Variants in TTBK2 observed in about 807,000 individuals in gnomAD.
TTBK2 encodes tau-tubulin kinase 2.
TTBK2 carries 28 observed loss-of-function variants against 110.8 expected under a neutral mutation model. The ratio of observed to expected loss-of-function variants is 0.25; its 90% CI spans 0.19 to 0.35. The LOEUF is 0.35. Among genes scored for constraint, TTBK2 ranks in the 10% least tolerant of loss-of-function variants. TTBK2 has a pLI of 1.00. For missense variants in TTBK2, 1,369 were observed against 1,500.3 expected (o/e 0.91, Z 1.45); for synonymous variants, 532 against 527.3 (o/e 1.01, Z -0.12).
intron 7 of TTBK2, among the ~76,000 whole-genome samples, chr15:42,812,643 A>G (rs1161419180): frequency 1.3e-5 from 2 of 152,212 alleles, no homozygotes; most frequent in Non-Finnish European, 2.9e-5. Context: ...TGTCAAAAGA[A>G]GCTACAAAGA....
At position 42,756,747 on chromosome 15, in the gene TTBK2, T is replaced by C. The variant is rs763323076; in HGVS notation, c.1999-3500A>G. Among the ~76,000 whole-genome samples the C allele has an allele frequency of 3.3e-5, 5 of 151,844 alleles. No homozygotes were observed. In the South Asian group the frequency reaches 1.0e-3, roughly 32 times the overall value. Reference sequence around the variant, plus strand: ...GGCAATTTTATACATAGAAAATATATATGACCCAAGCATGGTGGCCTGTAC... The same window carrying C: ...GGCAATTTTATACATAGAAAATATACATGACCCAAGCATGGTGGCCTGTAC... On this transcript the variant is annotated intron_variant, in intron 13 of 14. Coordinates refer to ENST00000267890, the MANE Select transcript of TTBK2 (RefSeq NM_173500.4).
chr15:42,840,227 C>A (rs1403986519), intron 4 of TTBK2, 133 bp downstream of exon 4: 12 of 832,634 alleles, frequency 1.4e-5, no homozygotes, highest in African/African-American at 1.7e-5. Flanking sequence ...TGTTTAAATA[C>A]AGTTCCATCT....
chr15:42,765,406 C>T (rs931260177), intron 13 of TTBK2, among the ~76,000 whole-genome samples: 8 of 152,204 alleles, frequency 5.3e-5, no homozygotes, highest in East Asian at 3.9e-4. Context: ...GAATAAACAG[C>T]GTAGAGAAGA....
At chr15:42,816,079 T>TATATATATATATATATATATATAA (rs1432740949) in intron 7 of TTBK2, among the ~76,000 whole-genome samples, 1 of 67,440 alleles carries the variant, frequency 1.5e-5, no homozygotes, top group Non-Finnish European at 2.3e-5. Flanking sequence ...TAAAAATAAA[T>TATATATATATATATATATATATAA]AAATAAATAT....
intron 12 of TTBK2, among the ~76,000 whole-genome samples, chr15:42,776,754 T>C (rs148449660): frequency 6.6e-6 from 1 of 152,360 alleles, no homozygotes; most frequent in East Asian, 1.9e-4. Flanking sequence ...AATGTTCATT[T>C]AACTTGTACC....
chr15:42,883,744 G>A (rs1446016968), intron 1 of TTBK2, among the ~76,000 whole-genome samples: 1 of 152,028 alleles, frequency 6.6e-6, no homozygotes, highest in Non-Finnish European at 1.5e-5. Context: ...AAACTTACCT[G>A]TAATTACCTT....
chr15:42,766,632 G>T (rs1477868260), intron 13 of TTBK2, among the ~76,000 whole-genome samples: 2 of 151,806 alleles, frequency 1.3e-5, no homozygotes, highest in African/African-American at 4.8e-5. Context: ...GATTCATAAA[G>T]CAAGTCCTTA....
chr15:42,903,267 T>C (rs1190451949), intron 1 of TTBK2, among the ~76,000 whole-genome samples: 1 of 152,148 alleles, frequency 6.6e-6, no homozygotes, highest in Non-Finnish European at 1.5e-5. Context: ...CCAAGGGCCA[T>C]GGTGAGGAGG....
At chr15:42,901,615 T>TAAAA (rs770303940) in intron 1 of TTBK2, among the ~76,000 whole-genome samples, 2 of 117,290 alleles carry the variant, frequency 1.7e-5, no homozygotes, top group Non-Finnish European at 3.6e-5. Context: ...ACCTCGTCTC[T>TAAAA]AAAAAAAAAA....
chr15:42,902,457 T>A lies in TTBK2; in HGVS notation c.-68+17981A>T, dbSNP rs549761036. On this transcript the variant is annotated intron_variant, in intron 1 of 14. Transcript: ENST00000267890. ...ATCTCTTGAACCCAGGAGGCGGAGATTGCGGTGAGCCGAGATTGTGCCATT... is the reference window on the plus strand; with the variant it reads ...ATCTCTTGAACCCAGGAGGCGGAGAATGCGGTGAGCCGAGATTGTGCCATT... Among the ~76,000 whole-genome samples the A allele has an allele frequency of 7.2e-5, 11 of 152,094 alleles. No individual in the cohort carries two copies. The East Asian group carries it at 2.1e-3, about 29-fold the overall frequency.
intron 13 of TTBK2, among the ~76,000 whole-genome samples, chr15:42,764,306 G>A (rs539538595): frequency 6.1e-4 from 93 of 152,336 alleles, no homozygotes; most frequent in African/African-American, 2.1e-3. Flanking sequence ...GCAGGGCATC[G>A]CCTCACCCGG....
At chr15:42,850,848 T>A (rs1258282767) in intron 3 of TTBK2, among the ~76,000 whole-genome samples, 2 of 151,888 alleles carry the variant, frequency 1.3e-5, no homozygotes, top group Non-Finnish European at 2.9e-5. Context: ...TATACATTTT[T>A]TAAAAGAAGA....
chr15:42,802,541 G>A, intron 9 of TTBK2: 3 of 439,282 alleles, frequency 6.8e-6, no homozygotes, highest in South Asian at 2.9e-5. Flanking sequence ...AAATTTAACT[G>A]CACCCATCCT....
At chr15:42,827,872 T>A in intron 6 of TTBK2, 56 bp downstream of exon 6, 1 of 1,389,628 alleles carries the variant, frequency 7.2e-7, no homozygotes, top group Non-Finnish European at 1.0e-6. Context: ...AAAAGTGTGA[T>A]ACTATAAATA....
At chr15:42,794,490 AG>A (rs2140867245) in intron 10 of TTBK2, among the ~76,000 whole-genome samples, 153 bp downstream of exon 10, 1 of 152,334 alleles carries the variant, frequency 6.6e-6, no homozygotes, top group Non-Finnish European at 1.5e-5. Context: ...GTAATTCCAA[AG>A]GCGTACATAA....
intron 9 of TTBK2, among the ~76,000 whole-genome samples, chr15:42,803,371 T>G (rs1323631389): frequency 6.6e-6 from 1 of 152,232 alleles, no homozygotes; most frequent in African/African-American, 2.4e-5. Flanking sequence ...ATGGGACCAC[T>G]GTCGTATATG....
intron 13 of TTBK2, among the ~76,000 whole-genome samples, chr15:42,755,953 T>TG (rs1295238308): frequency 2.0e-5 from 3 of 152,144 alleles, no homozygotes; most frequent in Admixed American, 6.5e-5. Flanking sequence ...CCCAGCGCTC[T>TG]GGGGGGCCGA....
intron 1 of TTBK2, among the ~76,000 whole-genome samples, chr15:42,917,985 A>G (rs924766366): frequency 5.9e-5 from 9 of 152,052 alleles, no homozygotes; most frequent in African/African-American, 2.2e-4. Flanking sequence ...CATAATTCTC[A>G]AAGACTTTTT....
chr15:42,846,152 T>C (rs1271270536), intron 3 of TTBK2, among the ~76,000 whole-genome samples: 2 of 151,896 alleles, frequency 1.3e-5, no homozygotes, highest in Non-Finnish European at 2.9e-5. Flanking sequence ...TATACATATT[T>C]AGTACAGACG....
Sources: allele counts gnomAD v4.1 joint callset (sites outside exome capture counted in the v4.1 genomes callset), GRCh38; gene constraint gnomAD v4.1.1; transcripts MANE v1.5; gene names NCBI Gene and HGNC (gene_info 2026-07-23, HGNC 2026-07-21).